UGT2A1: variants seen among roughly 807,000 people sequenced by gnomAD.
UGT2A1 encodes UDP glucuronosyltransferase family 2 member A1 complex locus.
UGT2A1 carries 61 observed loss-of-function variants against 45.4 expected under a neutral mutation model. That is an observed-to-expected ratio of 1.34 (90% confidence interval 1.09 to 1.66). The LOEUF (loss-of-function observed/expected upper bound fraction) is 1.66, where lower values mean the gene tolerates loss of function less well. Ranked by LOEUF, UGT2A1 falls within the 40% of genes most tolerant of loss-of-function variation. The pLI, the probability that UGT2A1 is intolerant of heterozygous loss-of-function variation, is 0.00. For missense variants in UGT2A1, 649 were observed against 574.3 expected, an observed-to-expected ratio of 1.13 and a Z score of -1.33; for synonymous variants, 229 against 196.2, an observed-to-expected ratio of 1.17 and a Z score of -1.40.
chr4:69,612,880 G>T (rs868206133), intron 3 of UGT2A1, among the ~76,000 whole-genome samples: 2 of 143,958 alleles, frequency 1.4e-5, no homozygotes, highest in Admixed American at 7.2e-5. Flanking sequence ...TGACATGTGG[G>T]GCATAATTAA....
At chr4:69,634,616 T>A (rs994802674) in intron 3 of UGT2A1, among the ~76,000 whole-genome samples, 1 of 152,154 alleles carries the variant, frequency 6.6e-6, no homozygotes, top group African/African-American at 2.4e-5. Context: ...ATTTAACAAC[T>A]GATAATCACT....
In UGT2A1 at chr4:69,588,420, A is replaced by C. The variant is rs1269320569; in HGVS notation, c.*952T>G. 6.6e-6 allele frequency: 1 copy of C among 152,122 alleles called. No homozygotes were observed. Among genetic ancestry groups the C allele is most frequent in the Non-Finnish European group, 1.5e-5 (1 of 67,992 alleles). The allele number at this position is 152,122 out of a possible 1,614,324, so 9.4% of individuals were successfully genotyped here. On this transcript the variant is annotated 3_prime_UTR_variant, in exon 7 of 7. Coordinates refer to ENST00000286604, the MANE Select transcript of UGT2A1 (RefSeq NM_001252275.3). The stretch of plus-strand genomic sequence containing the variant: ...AGACAAAAATAATGCAATGATATCA[A>C]ATTCCAAGTAAGCATTTTTTATTTT...
chr4:69,604,749 A>T (rs994088941), intron 3 of UGT2A1, among the ~76,000 whole-genome samples: 1 of 136,594 alleles, frequency 7.3e-6, no homozygotes, highest in African/African-American at 3.0e-5. Flanking sequence ...ATGGAAAACA[A>T]AAAAAGGCAG....
At chr4:69,619,706 T>C (rs1720630455) in intron 3 of UGT2A1, among the ~76,000 whole-genome samples, 1 of 151,778 alleles carries the variant, frequency 6.6e-6, no homozygotes, top group Admixed American at 6.6e-5. Context: ...AAAAATAAAA[T>C]AAAATTCAGG....
intron 6 of UGT2A1, among the ~76,000 whole-genome samples, chr4:69,593,546 C>CTA (rs1393213292): frequency 1.3e-5 from 2 of 149,560 alleles, no homozygotes; most frequent in African/African-American, 2.4e-5. Context: ...ATCTACTAAG[C>CTA]TATATATATA....
Position 69,647,603 on chromosome 4 carries a change from G to C in UGT2A1, c.42C>G (p.Leu14=). ...CATTCCCACCAAGAGTGGTTCCTAT[G>C]AGACTTATCTGAAGGGAGAACAGCA... ...NLLLFSLQIS[L]IGTTLGGNVL... Residue 14 remains leucine (L), a synonymous_variant, in exon 2 of 7, where the codon CTC becomes CTG. Transcript: ENST00000286604. 1 of 1,604,236 alleles carries C rather than the reference G, an allele frequency of 6.2e-7. No individual in the cohort carries two copies.
chr4:69,593,410 A>G (rs931333049), intron 6 of UGT2A1, among the ~76,000 whole-genome samples: 1 of 151,984 alleles, frequency 6.6e-6, no homozygotes, highest in Non-Finnish European at 1.5e-5. Flanking sequence ...GAGTTCAACT[A>G]TAAGTAGCTA....
In UGT2A1 at chr4:69,635,830, A is replaced by AC. The variant is rs1721661750; in HGVS notation, c.716-9_716-8insG. 1.1e-5 allele frequency: 1 copy of AC among 92,022 alleles called. No homozygotes were observed. Among genetic ancestry groups the AC allele is most frequent in the African/African-American group, 3.9e-5 (1 of 25,676 alleles). The allele number at this position is 92,022 out of a possible 1,614,324, so 5.7% of individuals were successfully genotyped here. A position where few individuals can be genotyped will look rare whatever the true frequency, so the allele number is the denominator to read the frequency against. On this transcript the variant is annotated splice_polypyrimidine_tract_variant and intron_variant, in intron 2 of 6. Transcript: ENST00000286604. Reference sequence around the variant, plus strand: ...AACAGAGTAAGAGTCCACCTCACCAAAAAAAAAAAAAAAAAAAAAAGAGAG... The same window carrying AC: ...AACAGAGTAAGAGTCCACCTCACCAACAAAAAAAAAAAAAAAAAAAAGAGAG...
At chr4:69,620,655 CAAA>C (rs57029226) in intron 3 of UGT2A1, among the ~76,000 whole-genome samples, 2 of 130,674 alleles carry the variant, frequency 1.5e-5, no homozygotes, top group African/African-American at 2.8e-5. Flanking sequence ...TATATGGAAC[CAAA>C]AAAAAAAAAG....
rs1721658620 is a variant in UGT2A1 at position 69,635,828 on chromosome 4, C to CAACAAAAAAAAAAAAAAA, written c.716-7_716-6insTTTTTTTTTTTTTTTGTT. On this transcript the variant is annotated splice_region_variant and splice_polypyrimidine_tract_variant and intron_variant, in intron 2 of 6. Transcript: ENST00000286604. ...GCAACAGAGTAAGAGTCCACCTCAC[C>CAACAAAAAAAAAAAAAAA]AAAAAAAAAAAAAAAAAAAAAAGAG... 4.1e-5 allele frequency: 2 copies of CAACAAAAAAAAAAAAAAA among 49,134 alleles called. 1 individual carries two copies. The highest frequency in any genetic ancestry group is 6.4e-4 in the Admixed American group (2 of 3,114). The allele number at this position is 49,134 out of a possible 1,614,324, so 3.0% of individuals were successfully genotyped here.
chr4:69,643,084 T>G (rs960892454), intron 2 of UGT2A1, among the ~76,000 whole-genome samples: 6 of 151,464 alleles, frequency 4.0e-5, no homozygotes, highest in African/African-American at 1.5e-4. Context: ...CTTAGAAAGC[T>G]CTCCTAATGC....
intron 3 of UGT2A1, among the ~76,000 whole-genome samples, chr4:69,603,086 G>A (rs1394880366): frequency 1.5e-5 from 2 of 134,698 alleles, no homozygotes; most frequent in Admixed American, 7.3e-5. Flanking sequence ...AAAAATAAAT[G>A]AATAAATAAA....
chr4:69,615,199 C>A lies in UGT2A1; in HGVS notation c.848-15805G>T, dbSNP rs139426526. 6.0e-3 allele frequency among the ~76,000 whole-genome samples: 912 copies of A among 152,020 alleles called. 11 individuals are homozygous for A. Among genetic ancestry groups the A allele is most frequent in the African/African-American group, 0.02 (843 of 41,478 alleles). On this transcript the variant is annotated intron_variant, in intron 3 of 6. Coordinates refer to ENST00000286604, the MANE Select transcript of UGT2A1 (RefSeq NM_001252275.3). ...CTCACCATACACAAAAATCAAATCA[C>A]CCTGAAAAATTAAATCACTCTAATT... is the stretch of plus-strand genomic sequence containing the variant.
chr4:69,595,239 C>T lies in UGT2A1; in HGVS notation c.1007G>A (p.Arg336Lys), dbSNP rs1461148799. Reference protein sequence around the residue: ...PAKPLPKVLWRYKGKKPATLG... With the variant: ...PAKPLPKVLWKYKGKKPATLG... ...TGTGGCTGGTTTCTTTCCTTTGTAT[C>T]TCCATAAAACCTGTGGAAAATGGTG... The change falls in exon 5 of 7, where the codon AGA becomes AAA. Residue 336 changes from arginine to lysine, a missense_variant. Coordinates refer to ENST00000286604, the MANE Select transcript of UGT2A1 (RefSeq NM_001252275.3). 32 of 1,613,540 alleles carry T rather than the reference C, an allele frequency of 2.0e-5. No individual in the cohort carries two copies. Among genetic ancestry groups the T allele is most frequent in the Non-Finnish European group, 2.5e-5 (30 of 1,179,828 alleles).
At chr4:69,596,659 TTA>T (rs545091182) in intron 4 of UGT2A1, among the ~76,000 whole-genome samples, 127 of 152,190 alleles carry the variant, frequency 8.3e-4, no homozygotes, top group African/African-American at 3.0e-3. Flanking sequence ...GTAACTGGGA[TTA>T]TAGTCTCATG....
At position 69,603,773 on chromosome 4, in the gene UGT2A1, C is replaced by A. The variant is rs913953160; in HGVS notation, c.848-4379G>T. Among the ~76,000 whole-genome samples, 11 of 136,736 alleles carry A rather than the reference C, an allele frequency of 8.0e-5. 2 individuals are homozygous for A. In the East Asian group the frequency reaches 1.4e-3, roughly 18 times the overall value. 89.7% of individuals were successfully genotyped at this position (136,736 alleles called of 152,430 possible). Reference sequence around the variant, plus strand: ...GCACAAGAACTACGTGACAAATGCACAAGCCTCAGTAGCCGATTCAATCAA... The same window carrying A: ...GCACAAGAACTACGTGACAAATGCAAAAGCCTCAGTAGCCGATTCAATCAA... On this transcript the variant is annotated intron_variant, in intron 3 of 6. Coordinates refer to ENST00000286604, the MANE Select transcript of UGT2A1 (RefSeq NM_001252275.3).
chr4:69,626,303 C>A (rs73824179), intron 3 of UGT2A1, among the ~76,000 whole-genome samples: 1 of 151,182 alleles, frequency 6.6e-6, no homozygotes, highest in Non-Finnish European at 1.5e-5. Context: ...AGAGGCCATA[C>A]ACATCTAAAG....
At chr4:69,595,048 A>G in intron 5 of UGT2A1, 114 bp downstream of exon 5, 2 of 1,369,352 alleles carry the variant, frequency 1.5e-6, no homozygotes, top group Admixed American at 2.0e-5. Context: ...TTTAAAATTG[A>G]GTGTCAAATA....
chr4:69,613,526 A>C (rs1720191610), intron 3 of UGT2A1, among the ~76,000 whole-genome samples: 1 of 152,046 alleles, frequency 6.6e-6, no homozygotes, highest in Non-Finnish European at 1.5e-5. Flanking sequence ...AGTAACAACA[A>C]CAACAACTAC....
Sources: gnomAD v4.1 joint callset for allele counts (sites outside exome capture counted in the v4.1 genomes callset) on GRCh38, gnomAD v4.1.1 for gene constraint, MANE v1.5 for transcripts, NCBI Gene and HGNC (gene_info 2026-07-23, HGNC 2026-07-21) for gene names.